ALMS1: variants seen among roughly 807,000 people sequenced by gnomAD.
ALMS1 encodes the protein centrosome-associated protein ALMS1.
Under a neutral mutation model 352.2 loss-of-function variants are expected in ALMS1, and 271 were observed. That is an observed-to-expected ratio of 0.77 (90% CI 0.70 to 0.85). The LOEUF (loss-of-function observed/expected upper bound fraction) is 0.85. Ranked by LOEUF, ALMS1 falls within the 40% of genes least tolerant of loss-of-function variation. The probability of loss-of-function intolerance (pLI) is 0.00; values close to 1 mark genes in which losing one functional copy is unlikely to be tolerated. For synonymous variants in ALMS1, 1,865 were observed against 1,761.2 expected (o/e 1.06, Z -1.48); for missense variants, 5,445 against 4,870.7 (o/e 1.12, Z -3.51).
intron 12 of ALMS1, among the ~76,000 whole-genome samples, chr2:73,549,485 A>G (rs1212879620): frequency 6.6e-6 from 1 of 152,156 alleles, no homozygotes; most frequent in East Asian, 1.9e-4. Context: ...CTATTTTTTA[A>G]TATCTTCTAC....
At position 73,572,554 on chromosome 2, in the gene ALMS1, G is replaced by A. The variant is rs764869621; in HGVS notation, c.10677G>A (p.Val3559=). ...SINVNLGNKE[V]MDTTKSQVRD... ...ATGTGAATTTGGGAAACAAAGAAGT[G>A]ATGGATACTACTAAAAGTCAAGTTA... Residue 3559 remains valine, a synonymous_variant, in exon 16 of 23, where the codon GTG becomes GTA. Coordinates refer to ENST00000613296, the MANE Select transcript of ALMS1 (RefSeq NM_001378454.1). 6.2e-7 allele frequency: 1 copy of A among 1,613,800 alleles called. No homozygotes were observed. The highest frequency in any genetic ancestry group is 1.7e-5 in the Admixed American group (1 of 59,982).
chr2:73,490,790 A>G lies in ALMS1; in HGVS notation c.8831A>G (p.Glu2944Gly). Residue 2944 changes from glutamate (E) to glycine (G), a missense_variant, in exon 10 of 23, where the codon GAA (glutamate) becomes GGA (glycine). Physicochemically the swap from Glu to Gly is moderately conservative, Grantham distance 98 (BLOSUM62 -2). Coordinates refer to ENST00000613296, the MANE Select transcript of ALMS1 (RefSeq NM_001378454.1). ...KAPYVDHQMR[E>G]NHSPLPQGQD... Reference sequence around the variant, plus strand: ...CCATATGTAGATCATCAAATGAGAGAAAACCATTCTCCCCTTCCTCAAGGT... The same window carrying G: ...CCATATGTAGATCATCAAATGAGAGGAAACCATTCTCCCCTTCCTCAAGGT... The G allele has an allele frequency of 6.2e-7, 1 of 1,614,080 alleles. No individual in the cohort carries two copies. Among genetic ancestry groups the G allele is most frequent in the Non-Finnish European group, 8.5e-7 (1 of 1,180,018 alleles).
intron 10 of ALMS1, among the ~76,000 whole-genome samples, chr2:73,499,847 T>TA (rs1279074851): frequency 6.6e-6 from 1 of 152,070 alleles, no homozygotes; most frequent in African/African-American, 2.4e-5. Flanking sequence ...GCTGGTTGTT[T>TA]AAAAAAGAAT....
At chr2:73,500,679 GTCTT>G (rs1276442299) in intron 10 of ALMS1, among the ~76,000 whole-genome samples, 1 of 152,130 alleles carries the variant, frequency 6.6e-6, no homozygotes, top group Non-Finnish European at 1.5e-5. Flanking sequence ...TCGCTGTGAA[GTCTT>G]TCTCTCTATG....
Position 73,453,201 on chromosome 2 carries a change from C to A in ALMS1, c.6674C>A (p.Ser2225Tyr), listed in dbSNP as rs1343783762. Reference sequence around the variant, plus strand: ...AGCTCAAATAATGTGCTTTTAAATTCTCAGGCTGATGACAGAGTTGTAATA... The same window carrying A: ...AGCTCAAATAATGTGCTTTTAAATTATCAGGCTGATGACAGAGTTGTAATA... ...SVSSNNVLLN[S>Y]QADDRVVINK... Residue 2225 changes from serine to tyrosine, a missense_variant, in exon 8 of 23, where the codon TCT becomes TAT. Ser to Tyr is a moderately radical substitution (Grantham distance 144, BLOSUM62 -2). Transcript: ENST00000613296. 6.2e-7 allele frequency: 1 copy of A among 1,613,882 alleles called. No individual in the cohort carries two copies. The highest frequency in any genetic ancestry group is 8.5e-7 in the Non-Finnish European group (1 of 1,179,996).
chr2:73,424,145 C>T (rs1671334234), intron 4 of ALMS1, among the ~76,000 whole-genome samples: 1 of 152,144 alleles, frequency 6.6e-6, no homozygotes, highest in African/African-American at 2.4e-5. Flanking sequence ...AATGAAAAAT[C>T]ATGGTAGGCG....
intron 12 of ALMS1, among the ~76,000 whole-genome samples, chr2:73,545,869 G>A (rs1674304651): frequency 6.6e-6 from 1 of 152,186 alleles, no homozygotes; most frequent in Non-Finnish European, 1.5e-5. Flanking sequence ...AATGAAAGAT[G>A]GGAAACTTCA....
chr2:73,598,821 C>T (rs937055037), intron 16 of ALMS1, among the ~76,000 whole-genome samples: 1 of 152,208 alleles, frequency 6.6e-6, no homozygotes, highest in Non-Finnish European at 1.5e-5. Flanking sequence ...CATCCACCGA[C>T]ATTCCACCAT....
At chr2:73,469,300 A>ACTAG (rs1333951094) in intron 9 of ALMS1, among the ~76,000 whole-genome samples, 1 of 152,000 alleles carries the variant, frequency 6.6e-6, no homozygotes, top group East Asian at 1.9e-4. Context: ...AATGAACTAG[A>ACTAG]AAACAGAAAA....
intron 9 of ALMS1, among the ~76,000 whole-genome samples, chr2:73,478,121 T>A (rs1488860133): frequency 6.6e-6 from 1 of 152,178 alleles, no homozygotes; most frequent in Admixed American, 6.6e-5. Flanking sequence ...ACTCTTCATC[T>A]GGTTAAAGAA....
intron 10 of ALMS1, among the ~76,000 whole-genome samples, chr2:73,506,864 A>G (rs1181813085): frequency 1.3e-5 from 2 of 152,178 alleles, no homozygotes; most frequent in East Asian, 3.9e-4. Context: ...TCGGTTTTCA[A>G]AGGGAATGTT....
At chr2:73,483,896 C>T (rs1293963926) in intron 9 of ALMS1, among the ~76,000 whole-genome samples, 1 of 145,060 alleles carries the variant, frequency 6.9e-6, no homozygotes, top group Non-Finnish European at 1.5e-5. Context: ...GGATTGCAAC[C>T]CCTGCCTTTT....
intron 6 of ALMS1, among the ~76,000 whole-genome samples, chr2:73,428,178 A>G (rs1671417953): frequency 6.6e-6 from 1 of 152,198 alleles, no homozygotes; most frequent in Non-Finnish European, 1.5e-5. Context: ...AAGAGGTTAC[A>G]TGTATATATC....
At chr2:73,542,651 G>A (rs1392997318) in intron 12 of ALMS1, among the ~76,000 whole-genome samples, 2 of 152,122 alleles carry the variant, frequency 1.3e-5, no homozygotes, top group Non-Finnish European at 2.9e-5. Flanking sequence ...AAGCTGATAA[G>A]CAACTTCAGC....
At chr2:73,585,516 C>T (rs1675291322) in intron 16 of ALMS1, among the ~76,000 whole-genome samples, 1 of 151,574 alleles carries the variant, frequency 6.6e-6, no homozygotes, top group Non-Finnish European at 1.5e-5. Context: ...GCCTCAGCCT[C>T]CCAAGTAGCT....
At chr2:73,535,906 C>T (rs920447838) in intron 12 of ALMS1, among the ~76,000 whole-genome samples, 2 of 151,888 alleles carry the variant, frequency 1.3e-5, no homozygotes, top group African/African-American at 4.8e-5. Context: ...AGAAGTTGCC[C>T]CTGGTCTTAG....
At chr2:73,579,746 CAATT>C (rs1376037128) in intron 16 of ALMS1, among the ~76,000 whole-genome samples, 1 of 152,124 alleles carries the variant, frequency 6.6e-6, no homozygotes. Context: ...GAGAAATTAG[CAATT>C]AATTTTACCG....
At chr2:73,546,081 C>T (rs752553612) in intron 12 of ALMS1, among the ~76,000 whole-genome samples, 1 of 152,138 alleles carries the variant, frequency 6.6e-6, no homozygotes, top group Non-Finnish European at 1.5e-5. Flanking sequence ...TGAGCAGACA[C>T]GATGTCAATT....
intron 9 of ALMS1, chr2:73,470,284 CTTAT>C (rs1323163116): frequency 6.6e-6 from 1 of 151,060 alleles, no homozygotes; most frequent in African/African-American, 2.4e-5. Context: ...AGTTGAGTTG[CTTAT>C]TTGAGATCTT....
Sources: allele counts gnomAD v4.1 joint callset (sites outside exome capture counted in the v4.1 genomes callset), GRCh38; gene constraint gnomAD v4.1.1; transcripts MANE v1.5; gene names NCBI Gene and HGNC (gene_info 2026-07-23, HGNC 2026-07-21).